Variants in MARCHF4 observed in about 807,000 individuals in gnomAD.
MARCHF4 encodes the protein membrane associated ring-CH-type finger 4.
MARCHF4 carries 14 observed loss-of-function variants against 43.9 expected under a neutral mutation model. The ratio of observed to expected loss-of-function variants is 0.32; its 90% CI spans 0.21 to 0.50. MARCHF4 has a LOEUF of 0.50. Ranked by LOEUF, MARCHF4 falls within the 20% of genes least tolerant of loss-of-function variation. The probability of loss-of-function intolerance (pLI) is 0.98; values close to 1 mark genes in which losing one functional copy is unlikely to be tolerated. For synonymous variants in MARCHF4, 226 were observed against 213.3 expected (o/e 1.06, Z -0.52); for missense variants, 468 against 536.7 (o/e 0.87, Z 1.27).
chr2:216,310,147 G>A (rs1401780666), intron 1 of MARCHF4, among the ~76,000 whole-genome samples: 3 of 152,202 alleles, frequency 2.0e-5, no homozygotes, highest in Non-Finnish European at 2.9e-5. Context: ...GGTGCCAGGC[G>A]CCTCTCAACT....
At position 216,259,646 on chromosome 2, in the gene MARCHF4, C is replaced by T. The variant is rs774974198; in HGVS notation, c.899G>A (p.Arg300His). 7 of 1,613,988 alleles carry T rather than the reference C, an allele frequency of 4.3e-6. No individual in the cohort carries two copies. Among genetic ancestry groups the T allele is most frequent in the African/African-American group, 2.7e-5 (2 of 74,908 alleles). The change falls in exon 4 of 4, where the codon CGC becomes CAC. Residue 300 changes from arginine to histidine, a missense_variant. Transcript: ENST00000273067. ...LIIHEGPSVY[R>H]IFKRWQAVNQ... ...GACAGCCTGCCACCGTTTAAAGATG[C>T]GGTACACCGAGGGTCCTTCATGGAT...
In MARCHF4 at chr2:216,259,461, C is replaced by T. The variant is rs149482437; in HGVS notation, c.1084G>A (p.Ala362Thr). Residue 362 changes from alanine to threonine, a missense_variant, in exon 4 of 4, where the codon GCC (alanine) becomes ACC (threonine). By Grantham distance (58) the Ala-to-Thr change is moderately conservative. Coordinates refer to ENST00000273067, the MANE Select transcript of MARCHF4 (RefSeq NM_020814.3). ...AGTPAPEQGP[A>T]QAAGHPSGPL... ...CCTGAGGGGTGGCCGGCAGCCTGGGCAGGGCCCTGCTCAGGGGCAGGGGTG... is the reference window on the plus strand; with the variant it reads ...CCTGAGGGGTGGCCGGCAGCCTGGGTAGGGCCCTGCTCAGGGGCAGGGGTG... 7.3e-5 allele frequency: 118 copies of T among 1,614,146 alleles called. 1 individual carries two copies. The African/African-American group carries it at 1.5e-3, about 20-fold the overall frequency.
intron 3 of MARCHF4, among the ~76,000 whole-genome samples, chr2:216,272,346 A>G (rs567619345): frequency 1.4e-4 from 21 of 152,272 alleles, no homozygotes; most frequent in African/African-American, 4.3e-4. Context: ...AGATGCAACA[A>G]TGGCTAACCT....
chr2:216,315,466 T>G (rs945182776), intron 1 of MARCHF4, among the ~76,000 whole-genome samples: 11 of 152,214 alleles, frequency 7.2e-5, no homozygotes, highest in African/African-American at 2.7e-4. Flanking sequence ...AAAATTTAAC[T>G]ATCAGGATGT....
intron 1 of MARCHF4, among the ~76,000 whole-genome samples, chr2:216,359,288 G>A (rs1463442731): frequency 6.6e-6 from 1 of 152,184 alleles, no homozygotes; most frequent in Non-Finnish European, 1.5e-5. Flanking sequence ...ACATGGTCCT[G>A]TTGTAGCCAA....
intron 1 of MARCHF4, among the ~76,000 whole-genome samples, chr2:216,318,546 A>T (rs1691821741): frequency 6.6e-6 from 1 of 152,206 alleles, no homozygotes; most frequent in Non-Finnish European, 1.5e-5. Context: ...AGGTGATGAA[A>T]TTTGAGCAGA....
chr2:216,367,815 C>A (rs1692689532), intron 1 of MARCHF4, among the ~76,000 whole-genome samples: 1 of 152,030 alleles, frequency 6.6e-6, no homozygotes, highest in Non-Finnish European at 1.5e-5. Flanking sequence ...TGATTTTTTT[C>A]TTTTTCTTTT....
chr2:216,277,336 T>C (rs1396608820), intron 3 of MARCHF4, among the ~76,000 whole-genome samples: 2 of 152,152 alleles, frequency 1.3e-5, no homozygotes, highest in African/African-American at 4.8e-5. Context: ...CTTGGCAGTA[T>C]AGGGTGCACA....
intron 1 of MARCHF4, among the ~76,000 whole-genome samples, chr2:216,342,791 G>C (rs1692256608): frequency 6.6e-6 from 1 of 152,132 alleles, no homozygotes; most frequent in Non-Finnish European, 1.5e-5. Flanking sequence ...TGGCCGCACG[G>C]TACACCCTCC....
In MARCHF4 at chr2:216,334,518, A is replaced by G. The variant is rs538702051; in HGVS notation, c.516+35227T>C. On this transcript the variant is annotated intron_variant, in intron 1 of 3. Coordinates refer to ENST00000273067, the MANE Select transcript of MARCHF4 (RefSeq NM_020814.3). ...TGAACTCAAGTGATCCTCCTGCCTT[A>G]GCCTCCCATGTAGCTAAGACTACAG... 9.9e-5 allele frequency among the ~76,000 whole-genome samples: 15 copies of G among 152,116 alleles called. No individual in the cohort carries two copies. The South Asian group carries it at 2.9e-3, about 29-fold the overall frequency.
At chr2:216,328,754 T>C (rs1692036385) in intron 1 of MARCHF4, among the ~76,000 whole-genome samples, 1 of 152,194 alleles carries the variant, frequency 6.6e-6, no homozygotes, top group East Asian at 1.9e-4. Context: ...AAAGCTATGA[T>C]AGGCCGGGTG....
intron 2 of MARCHF4, among the ~76,000 whole-genome samples, chr2:216,278,091 G>A (rs1691057420): frequency 6.6e-6 from 1 of 152,200 alleles, no homozygotes; most frequent in Admixed American, 6.5e-5. Context: ...TTGTAAGGAG[G>A]GGGCTCTAGG....
chr2:216,324,131 A>C (rs1241850723), intron 1 of MARCHF4, among the ~76,000 whole-genome samples: 179 of 147,868 alleles, frequency 1.2e-3, no homozygotes, highest in Middle Eastern at 3.4e-3. Flanking sequence ...GATAAAGGGG[A>C]TATCACCACC....
At chr2:216,262,778 C>A (rs1053282929) in intron 3 of MARCHF4, among the ~76,000 whole-genome samples, 2 of 152,116 alleles carry the variant, frequency 1.3e-5, no homozygotes, top group African/African-American at 4.8e-5. Context: ...ATTTTAACAT[C>A]ATCATTCCCA....
At chr2:216,285,477 G>A (rs951719414) in intron 1 of MARCHF4, among the ~76,000 whole-genome samples, 2 of 152,148 alleles carry the variant, frequency 1.3e-5, no homozygotes, top group Admixed American at 1.3e-4. Flanking sequence ...CATCTTTGCA[G>A]CCCTAACATC....
chr2:216,339,599 G>A lies in MARCHF4; in HGVS notation c.516+30146C>T, dbSNP rs73988372. ...TCTCTTGGCTGCTCAGTGGAGAAGT[G>A]TTTTTCTTCAGCAAGAGTGAAAGTG... On this transcript the variant is annotated intron_variant, in intron 1 of 3. Transcript: ENST00000273067. Among the ~76,000 whole-genome samples the A allele has an allele frequency of 7.3e-3, 1,114 of 152,290 alleles. 10 individuals are homozygous for A. The highest frequency in any genetic ancestry group is 0.026 in the African/African-American group (1,064 of 41,548).
intron 1 of MARCHF4, among the ~76,000 whole-genome samples, chr2:216,362,058 G>A (rs1351842423): frequency 1.3e-5 from 2 of 152,156 alleles, no homozygotes; most frequent in East Asian, 3.8e-4. Flanking sequence ...GGCCCCAAAT[G>A]GGAATGAAAT....
chr2:216,281,671 AACT>A (rs1210588970), intron 2 of MARCHF4, among the ~76,000 whole-genome samples: 1 of 152,158 alleles, frequency 6.6e-6, no homozygotes, highest in African/African-American at 2.4e-5. Flanking sequence ...TTCTAATCCA[AACT>A]ACTTCCTTCT....
chr2:216,320,719 G>A (rs1255308960), intron 1 of MARCHF4, among the ~76,000 whole-genome samples: 1 of 140,682 alleles, frequency 7.1e-6, no homozygotes, highest in Non-Finnish European at 1.5e-5. Flanking sequence ...CACCCAGGCT[G>A]GAGTGCAATG....
Sources: gnomAD v4.1 joint callset for allele counts (sites outside exome capture counted in the v4.1 genomes callset) on GRCh38, gnomAD v4.1.1 for gene constraint, MANE v1.5 for transcripts, NCBI Gene and HGNC (gene_info 2026-07-23, HGNC 2026-07-21) for gene names.